Variants in RELL1 observed in about 807,000 individuals in gnomAD.
RELL1 encodes RELT like 1.
A neutral mutation model predicts 23.0 loss-of-function variants in RELL1; 10 were observed. The observed-to-expected ratio is 0.43, with a 90% confidence interval of 0.27 to 0.74. RELL1 has a LOEUF of 0.74. Ranked by LOEUF, RELL1 falls within the 30% of genes least tolerant of loss-of-function variation. RELL1 has a pLI of 0.19. For missense variants in RELL1, 315 were observed against 364.4 expected, an observed-to-expected ratio of 0.86 and a Z score of 1.10; for synonymous variants, 146 against 146.8, an observed-to-expected ratio of 0.99 and a Z score of 0.04.
chr4:37,653,371 T>TATTGAAACCTCAGTACAAGTATTGAAACC, intron 1 of RELL1, among the ~76,000 whole-genome samples: 1 of 52,924 alleles, frequency 1.9e-5, no homozygotes, highest in Non-Finnish European at 3.6e-5. Flanking sequence ...AACCTCAATA[T>TATTGAAACCTCAGTACAAGTATTGAAACC]TCAATACAAG....
Position 37,653,815 on chromosome 4 carries a change from T to C in RELL1, c.89-4315A>G, listed in dbSNP as rs375512373. 5.3e-5 allele frequency among the ~76,000 whole-genome samples: 8 copies of C among 152,342 alleles called. No individual in the cohort carries two copies. The East Asian group carries it at 1.3e-3, about 26-fold the overall frequency. On this transcript the variant is annotated intron_variant, in intron 1 of 6. Transcript: ENST00000454158. ...TGCTCTTGGAACCCAGCCACCATGC[T>C]GTGAGGAAGCCTAAGCTTCCCTGTG...
chr4:37,674,532 T>C (rs1238417831), intron 1 of RELL1, among the ~76,000 whole-genome samples: 2 of 152,224 alleles, frequency 1.3e-5, no homozygotes, highest in Non-Finnish European at 2.9e-5. Flanking sequence ...AGTAAAAGCA[T>C]TCAGGCCGTA....
chr4:37,630,194 C>T (rs1469660335), intron 6 of RELL1, among the ~76,000 whole-genome samples: 1 of 151,744 alleles, frequency 6.6e-6, no homozygotes, highest in East Asian at 1.9e-4. Context: ...CCATGGAGCA[C>T]TTAGGGCATG....
Position 37,651,909 on chromosome 4 carries a change from T to C in RELL1, c.89-2409A>G, listed in dbSNP as rs1242968638. Among the ~76,000 whole-genome samples, 3 of 152,248 alleles carry C rather than the reference T, an allele frequency of 2.0e-5. No individual in the cohort carries two copies. In the East Asian group the frequency reaches 5.8e-4, roughly 29 times the overall value. ...GTGTGTCGTGTATCCTCATTCTTCT[T>C]GGGTGCGCTACAAGAGCTTGGGAAC... On this transcript the variant is annotated intron_variant, in intron 1 of 6. Transcript: ENST00000454158.
chr4:37,635,062 C>T lies in RELL1; in HGVS notation c.505G>A (p.Gly169Arg). Residue 169 changes from glycine (G) to arginine (R), a missense_variant, in exon 5 of 7, where the codon GGG becomes AGG. Gly to Arg is a moderately radical substitution (Grantham distance 125). Transcript: ENST00000454158. ...PVSPGPLSPG[G>R]TPGKHVCGHH... ...CCACAGACGTGCTTCCCTGGCGTCC[C>T]CCCTGGTGACAAAGGCCCAGGACTC... is the stretch of plus-strand genomic sequence containing the variant. 2 of 1,614,236 alleles carry T rather than the reference C, an allele frequency of 1.2e-6. No individual in the cohort carries two copies. The highest frequency in any genetic ancestry group is 1.1e-5 in the South Asian group (1 of 91,088).
intron 4 of RELL1, among the ~76,000 whole-genome samples, chr4:37,635,871 T>C (rs549966196): frequency 1.3e-5 from 2 of 152,298 alleles, no homozygotes; most frequent in Non-Finnish European, 2.9e-5. Context: ...CATCAAATTA[T>C]CAGATAACTT....
At chr4:37,682,191 A>G (rs1722249734) in intron 1 of RELL1, among the ~76,000 whole-genome samples, 1 of 152,250 alleles carries the variant, frequency 6.6e-6, no homozygotes, top group Admixed American at 6.5e-5. Context: ...AAACCAGGTA[A>G]TAATAAAAAT....
intron 1 of RELL1, among the ~76,000 whole-genome samples, chr4:37,682,116 A>G (rs970724453): frequency 3.3e-5 from 5 of 152,252 alleles, no homozygotes; most frequent in African/African-American, 1.2e-4. Flanking sequence ...AATTATGTAT[A>G]TAACTGACAG....
intron 1 of RELL1, among the ~76,000 whole-genome samples, chr4:37,656,513 A>G (rs1229279938): frequency 6.6e-6 from 1 of 152,268 alleles, no homozygotes; most frequent in Non-Finnish European, 1.5e-5. Flanking sequence ...TAATTTTTAA[A>G]AACAGAGAGA....
intron 6 of RELL1, among the ~76,000 whole-genome samples, chr4:37,594,964 G>A (rs1320591283): frequency 6.6e-6 from 1 of 152,198 alleles, no homozygotes; most frequent in Non-Finnish European, 1.5e-5. Flanking sequence ...CTCCTTTCCT[G>A]GACTTGGACT....
chr4:37,613,302 T>A lies in RELL1; in HGVS notation c.*44A>T, dbSNP rs1719470141. 1.3e-5 allele frequency: 2 copies of A among 152,202 alleles called. No individual in the cohort carries two copies. The highest frequency in any genetic ancestry group is 2.9e-5 in the Non-Finnish European group (2 of 68,044). 9.4% of individuals were successfully genotyped at this position (152,202 alleles called of 1,614,324 possible). A position where few individuals can be genotyped will look rare whatever the true frequency, so the allele number is the denominator to read the frequency against. ...AAAATATTCCCAAGGCAACTTCATA[T>A]AAGTTTTCAGTCTCTTAGAGCTCTT... On this transcript the variant is annotated 3_prime_UTR_variant, in exon 7 of 7. Transcript: ENST00000454158.
rs1553871520 is a variant in RELL1, at chr4:37,604,810, G to GACACACACACAGAC, written c.*4-13607_*4-13594dup. ...AGACACACACACAGACACACACACA[G>GACACACACACAGAC]ACACACACACAGACACACACATACA... On this transcript the variant is annotated intron_variant, in intron 6 of 6. Transcript: ENST00000314117. Among the ~76,000 whole-genome samples the GACACACACACAGAC allele has an allele frequency of 1.5e-3, 109 of 73,620 alleles. 6 individuals are homozygous for GACACACACACAGAC. Among genetic ancestry groups the GACACACACACAGAC allele is most frequent in the African/African-American group, 6.1e-3 (92 of 15,104 alleles). The allele number at this position is 73,620 out of a possible 152,430, so 48.3% of individuals were successfully genotyped here.
At chr4:37,598,336 A>G (rs1289584374) in intron 6 of RELL1, among the ~76,000 whole-genome samples, 2 of 150,420 alleles carry the variant, frequency 1.3e-5, no homozygotes, top group African/African-American at 4.9e-5. Flanking sequence ...CATTACTTCA[A>G]AATAATTTGC....
chr4:37,615,353 C>T (rs62297175), intron 6 of RELL1, among the ~76,000 whole-genome samples: 46,908 of 152,132 alleles, frequency 0.31, 8,524 homozygotes, highest in Middle Eastern at 0.41. Context: ...AAAACCCTTG[C>T]AGTTCTGGTC....
At chr4:37,678,223 C>T (rs1210900685) in intron 1 of RELL1, among the ~76,000 whole-genome samples, 1 of 152,198 alleles carries the variant, frequency 6.6e-6, no homozygotes, top group African/African-American at 2.4e-5. Flanking sequence ...AACTCACTCA[C>T]TATCGTGAGG....
At chr4:37,678,101 C>T (rs1182954363) in intron 1 of RELL1, among the ~76,000 whole-genome samples, 1 of 152,186 alleles carries the variant, frequency 6.6e-6, no homozygotes, top group Non-Finnish European at 1.5e-5. Context: ...TCAGAAGCTT[C>T]CAGTCATGGC....
intron 1 of RELL1, among the ~76,000 whole-genome samples, chr4:37,662,142 G>C (rs958082578): frequency 1.3e-5 from 2 of 152,214 alleles, no homozygotes; most frequent in Non-Finnish European, 2.9e-5. Context: ...ACAGATGGAA[G>C]CTCAGACAAC....
chr4:37,670,528 T>G (rs149661575), intron 1 of RELL1, among the ~76,000 whole-genome samples: 1 of 151,802 alleles, frequency 6.6e-6, no homozygotes, highest in Non-Finnish European at 1.5e-5. Flanking sequence ...TGTAAACACA[T>G]AAATAGTAAA....
intron 1 of RELL1, among the ~76,000 whole-genome samples, chr4:37,650,604 G>A (rs572024593): frequency 1.6e-4 from 24 of 152,216 alleles, no homozygotes; most frequent in African/African-American, 5.8e-4. Context: ...TCAAGAATAG[G>A]GAAGCTTTGA....
Sources: allele counts gnomAD v4.1 joint callset (sites outside exome capture counted in the v4.1 genomes callset), GRCh38; gene constraint gnomAD v4.1.1; transcripts MANE v1.5; gene names NCBI Gene and HGNC (gene_info 2026-07-23, HGNC 2026-07-21).